Variants in DLGAP2 observed in about 807,000 individuals in gnomAD.
DLGAP2 encodes the protein DLG associated protein 2.
DLGAP2 carries 26 observed loss-of-function variants against 100.3 expected under a neutral mutation model. That is an observed-to-expected ratio of 0.26 (90% CI 0.19 to 0.36). The LOEUF is 0.36. DLGAP2 is among the 10% of genes least tolerant of loss of function. DLGAP2 has a pLI of 1.00. For synonymous variants in DLGAP2, 886 were observed against 630.1 expected (o/e 1.41, Z -6.08); for missense variants, 1,858 against 1,453.2 (o/e 1.28, Z -4.53).
chr8:1,317,713 C>T (rs1216536100), intron 3 of DLGAP2, among the ~76,000 whole-genome samples: 1 of 108,312 alleles, frequency 9.2e-6, no homozygotes, highest in East Asian at 2.6e-4. Flanking sequence ...ACTCGAGAAA[C>T]TCGGCAGCTT....
intron 4 of DLGAP2, among the ~76,000 whole-genome samples, chr8:1,510,773 C>T (rs1244853778): frequency 6.6e-6 from 1 of 152,148 alleles, no homozygotes; most frequent in Non-Finnish European, 1.5e-5. Context: ...ACACTGCTTC[C>T]CCAAGGAAAC....
At chr8:1,224,309 C>A (rs988770066) in intron 2 of DLGAP2, among the ~76,000 whole-genome samples, 1 of 152,150 alleles carries the variant, frequency 6.6e-6, no homozygotes, top group Non-Finnish European at 1.5e-5. Flanking sequence ...AATTGACATG[C>A]GTATTTGTAA....
At chr8:1,417,713 C>T (rs1401149402) in intron 3 of DLGAP2, among the ~76,000 whole-genome samples, 1 of 147,250 alleles carries the variant, frequency 6.8e-6, no homozygotes, top group African/African-American at 2.6e-5. Flanking sequence ...CTGCCTCACT[C>T]GGCGAGGCTC....
intron 2 of DLGAP2, among the ~76,000 whole-genome samples, chr8:1,216,503 T>C (rs1397566253): frequency 1.3e-5 from 2 of 151,746 alleles, no homozygotes; most frequent in Non-Finnish European, 1.5e-5. Flanking sequence ...TGGCTAATTT[T>C]TTTTTTCAAT....
chr8:1,020,814 T>G (rs1167066161), intron 2 of DLGAP2, among the ~76,000 whole-genome samples: 1 of 152,154 alleles, frequency 6.6e-6, no homozygotes, highest in Non-Finnish European at 1.5e-5. Context: ...GACCCAGGCT[T>G]TACGGCTCCA....
At chr8:1,287,165 C>T (rs558713848) in intron 3 of DLGAP2, among the ~76,000 whole-genome samples, 20 of 106,472 alleles carry the variant, frequency 1.9e-4, no homozygotes, top group South Asian at 6.7e-4. Context: ...TGTGCGCGCG[C>T]GCGCGTGGTT....
chr8:842,556 T>C (rs1797001784), intron 1 of DLGAP2, among the ~76,000 whole-genome samples: 1 of 152,210 alleles, frequency 6.6e-6, no homozygotes, highest in African/African-American at 2.4e-5. Flanking sequence ...ATTTCTCTGG[T>C]ACATGGTCGT....
intron 1 of DLGAP2, among the ~76,000 whole-genome samples, chr8:872,844 A>G (rs976577660): frequency 6.6e-6 from 1 of 152,192 alleles, no homozygotes; most frequent in African/African-American, 2.4e-5. Flanking sequence ...CTCCTGTATC[A>G]GCACAGTCAG....
intron 10 of DLGAP2, among the ~76,000 whole-genome samples, chr8:1,675,168 G>A (rs1798782713): frequency 6.6e-6 from 1 of 152,196 alleles, no homozygotes; most frequent in South Asian, 2.1e-4. Flanking sequence ...AATTACACCC[G>A]GTGAAAGTGG....
chr8:952,200 G>A (rs981128924), intron 2 of DLGAP2, among the ~76,000 whole-genome samples: 2 of 152,202 alleles, frequency 1.3e-5, no homozygotes, highest in African/African-American at 4.8e-5. Flanking sequence ...CTGAAAGGAT[G>A]TGCCTCCTTG....
At chr8:1,373,119 G>A (rs1444073141) in intron 3 of DLGAP2, among the ~76,000 whole-genome samples, 1 of 152,204 alleles carries the variant, frequency 6.6e-6, no homozygotes, top group Non-Finnish European at 1.5e-5. Flanking sequence ...CTGGGGGGGC[G>A]CCAGCATGTG....
chr8:1,171,522 C>G (rs1460682161), intron 2 of DLGAP2, among the ~76,000 whole-genome samples: 7 of 151,782 alleles, frequency 4.6e-5, no homozygotes. Flanking sequence ...GAGTCTAAGT[C>G]TCTTTGTAGG....
At chr8:1,466,042 C>T (rs951958230) in intron 3 of DLGAP2, among the ~76,000 whole-genome samples, 3 of 152,110 alleles carry the variant, frequency 2.0e-5, no homozygotes, top group Non-Finnish European at 4.4e-5. Flanking sequence ...GGGCGAAAGC[C>T]GGTTGCATCC....
intron 2 of DLGAP2, among the ~76,000 whole-genome samples, chr8:1,040,140 C>CCGTTCAGAAGA (rs1563159350): frequency 1.4e-5 from 2 of 142,514 alleles, no homozygotes; most frequent in Admixed American, 7.0e-5. Flanking sequence ...GTGGTCAGCT[C>CCGTTCAGAAGA]GCTGCACGTG....
chr8:1,600,575 T>C (rs1796593836), intron 6 of DLGAP2, among the ~76,000 whole-genome samples: 2 of 152,230 alleles, frequency 1.3e-5, no homozygotes, highest in South Asian at 4.1e-4. Flanking sequence ...TTGTTCCTTT[T>C]TGTTCTTTTT....
intron 3 of DLGAP2, among the ~76,000 whole-genome samples, chr8:1,463,746 G>A (rs1475682688): frequency 1.3e-5 from 2 of 152,252 alleles, no homozygotes; most frequent in Non-Finnish European, 2.9e-5. Flanking sequence ...AGCGGCCCAG[G>A]CCCTCCTCCG....
chr8:926,285 C>T (rs974380930), intron 2 of DLGAP2, among the ~76,000 whole-genome samples: 88 of 152,186 alleles, frequency 5.8e-4, no homozygotes, highest in African/African-American at 2.1e-3. Context: ...CAGGCCTAAG[C>T]CTGCTGGCCC....
chr8:1,548,768 G>A lies in DLGAP2; in HGVS notation c.315G>A (p.Glu105=), dbSNP rs767863332. Residue 105 remains glutamate (E), a synonymous_variant, in exon 5 of 15, where the codon GAG becomes GAA. Transcript: ENST00000637795. ...ACACGTGTGGTCTGGCGCCCCCGGA[G>A]GACTGCGAGCACCTGCACCACGGGC... The part of the protein sequence containing the change: ...SGHTCGLAPP[E]DCEHLHHGPD... 6.3e-7 allele frequency: 1 copy of A among 1,599,020 alleles called. No individual in the cohort carries two copies. Among genetic ancestry groups the A allele is most frequent in the African/African-American group, 1.3e-5 (1 of 74,740 alleles).
intron 2 of DLGAP2, among the ~76,000 whole-genome samples, chr8:1,233,030 A>G (rs78294060): frequency 6.6e-6 from 1 of 152,222 alleles, no homozygotes; most frequent in African/African-American, 2.4e-5. Flanking sequence ...ACCATCTGGC[A>G]TTGGCGGAAT....
Sources: allele counts gnomAD v4.1 joint callset (sites outside exome capture counted in the v4.1 genomes callset), GRCh38; gene constraint gnomAD v4.1.1; transcripts MANE v1.5; gene names NCBI Gene and HGNC (gene_info 2026-07-23, HGNC 2026-07-21).